Variants in TMCO4 observed in about 807,000 individuals in gnomAD.
TMCO4 encodes transmembrane and coiled-coil domains 4.
A neutral mutation model predicts 64.7 loss-of-function variants in TMCO4; 58 were observed. The observed-to-expected ratio is 0.90, with a 90% CI of 0.73 to 1.12. The LOEUF (loss-of-function observed/expected upper bound fraction) is 1.12. Among genes scored for constraint, TMCO4 ranks in the 50% most tolerant of loss-of-function variants. The probability of loss-of-function intolerance (pLI) is 0.00; values close to 1 mark genes in which losing one functional copy is unlikely to be tolerated. For synonymous variants in TMCO4, 325 were observed against 346.1 expected (o/e 0.94, Z 0.68); for missense variants, 780 against 825.9 (o/e 0.94, Z 0.68).
chr1:19,734,442 C>T lies in TMCO4; in HGVS notation c.1264+2930G>A, dbSNP rs540027954. Among the ~76,000 whole-genome samples the T allele has an allele frequency of 6.6e-6, 1 of 152,190 alleles. No individual in the cohort carries two copies. Among genetic ancestry groups the T allele is most frequent in the African/African-American group, 2.4e-5 (1 of 41,512 alleles). On this transcript the variant is annotated intron_variant, in intron 13 of 15. Coordinates refer to ENST00000294543, the MANE Select transcript of TMCO4 (RefSeq NM_181719.7). The surrounding 1 kb of genome is among the most constrained non-coding windows in gnomAD (Gnocchi z 4.4). ...AACTGTAGGGTGCCCAGCACCAGTG[C>T]CCCCGGGTCCTCCTTGGCAGGATCC...
intron 5 of TMCO4, 58 bp from the exon 6 acceptor site, chr1:19,770,627 A>T: frequency 6.4e-7 from 1 of 1,557,252 alleles, no homozygotes; most frequent in Non-Finnish European, 8.7e-7. Context: ...CAGCGCGCTC[A>T]TTTGACAAAT....
In TMCO4 at chr1:19,737,371, C is replaced by T. The variant is rs936848498; in HGVS notation, c.1264+1G>A. 37 of 1,612,454 alleles carry T rather than the reference C, an allele frequency of 2.3e-5. No individual in the cohort carries two copies. The highest frequency in any genetic ancestry group is 3.1e-5 in the Non-Finnish European group (36 of 1,179,034). Reference sequence around the variant, plus strand: ...CGTCTGTGACAATAATCCATGCTCACCTTTCTCTTGAGCCATCTCCTGCAG... The same window carrying T: ...CGTCTGTGACAATAATCCATGCTCATCTTTCTCTTGAGCCATCTCCTGCAG... On this transcript the variant is annotated splice_donor_variant, in intron 13 of 15. Coordinates refer to ENST00000294543, the MANE Select transcript of TMCO4 (RefSeq NM_181719.7). LOFTEE classifies it high-confidence loss of function.
In TMCO4 at chr1:19,747,149, C is replaced by T; in HGVS notation, c.613+14G>A. 1 of 1,613,402 alleles carries T rather than the reference C, an allele frequency of 6.2e-7. No individual in the cohort carries two copies. The highest frequency in any genetic ancestry group is 8.5e-7 in the Non-Finnish European group (1 of 1,179,460). ...AAAACCCAGACGTGTGCCACCATCT[C>T]TAGCTGGACTCACCGATCACCGTTC... is the stretch of plus-strand genomic sequence containing the variant. On this transcript the variant is annotated intron_variant, in intron 8 of 15. Coordinates refer to ENST00000294543, the MANE Select transcript of TMCO4 (RefSeq NM_181719.7).
rs1446628987 is a variant in TMCO4 at position 19,743,627 on chromosome 1, G to A, written c.877+1905C>T. 6.6e-6 allele frequency among the ~76,000 whole-genome samples: 1 copy of A among 152,158 alleles called. No individual in the cohort carries two copies. On this transcript the variant is annotated intron_variant, in intron 10 of 15. Transcript: ENST00000294543. This position sits in a 1 kb window ranked among gnomAD's most constrained non-coding sequence, Gnocchi z 4.1. ...CCCGGGGCAAACTGAACAAATAGGG[G>A]CAAACTGAACAAGTGGGGGCAAAAT...
rs543880096 is a variant in TMCO4, at chr1:19,682,825, T to C, written c.*215A>G. 2.4e-5 allele frequency: 18 copies of C among 742,514 alleles called. 1 individual carries two copies. In the South Asian group the frequency reaches 2.8e-4, roughly 11 times the overall value. 46.0% of individuals were successfully genotyped at this position (742,514 alleles called of 1,614,324 possible). A position where few individuals can be genotyped will look rare whatever the true frequency, so the allele number is the denominator to read the frequency against. On this transcript the variant is annotated 3_prime_UTR_variant, in exon 16 of 16. Transcript: ENST00000294543. ...GGGGGCAGCTGCTCCCTGGTGGGGC[T>C]CCTCTGGGGACAGGCAGCTTCCCAA... is the stretch of plus-strand genomic sequence containing the variant.
intron 7 of TMCO4, among the ~76,000 whole-genome samples, chr1:19,748,226 G>A (rs2041874506): frequency 1.3e-5 from 2 of 152,206 alleles, no homozygotes; most frequent in African/African-American, 4.8e-5. Flanking sequence ...CACTGCAAGT[G>A]CTCAGCGCAA....
At chr1:19,747,399 A>G (rs534966989) in intron 7 of TMCO4, 139 bp from the exon 8 acceptor site, 1 of 748,830 alleles carries the variant, frequency 1.3e-6, no homozygotes, top group African/African-American at 1.7e-5. Flanking sequence ...AGTCACCTTG[A>G]GCCCACTGAT....
chr1:19,718,882 T>C (rs1182950944), intron 13 of TMCO4, among the ~76,000 whole-genome samples: 1 of 152,146 alleles, frequency 6.6e-6, no homozygotes, highest in African/African-American at 2.4e-5. Flanking sequence ...CTAAAAATCA[T>C]GCTTCCCATT....
intron 4 of TMCO4, 64 bp from the exon 5 acceptor site, chr1:19,771,546 A>T: frequency 6.5e-7 from 1 of 1,533,668 alleles, no homozygotes; most frequent in African/African-American, 1.4e-5. Flanking sequence ...TGGGCAGTGT[A>T]GATTAGTTGT....
intron 11 of TMCO4, 125 bp from the exon 12 acceptor site, chr1:19,740,085 A>G (rs1426577823): frequency 6.4e-5 from 72 of 1,121,474 alleles, no homozygotes; most frequent in Non-Finnish European, 7.8e-5. Flanking sequence ...AAGTTTGCCA[A>G]TCAAACTGCT....
rs775514313 is a variant in TMCO4, at chr1:19,683,124, G to A, written c.1821C>T (p.Ile607=). ...PAAASPERPP[I]CSHGMDPNPL... is the part of the protein sequence containing the mutation. ...GGTTGGGGTCCATGCCATGGCTGCAGATGGGGGGCCTTTCAGGGCTGGCAG... is the reference window on the plus strand; with the variant it reads ...GGTTGGGGTCCATGCCATGGCTGCAAATGGGGGGCCTTTCAGGGCTGGCAG... The change falls in exon 16 of 16, where the codon ATC becomes ATT. Residue 607 remains isoleucine, a synonymous_variant. Transcript: ENST00000294543. 6.2e-7 allele frequency: 1 copy of A among 1,613,628 alleles called. No individual in the cohort carries two copies. Among genetic ancestry groups the A allele is most frequent in the Admixed American group, 1.7e-5 (1 of 59,960 alleles).
intron 6 of TMCO4, among the ~76,000 whole-genome samples, chr1:19,770,081 T>C (rs927300886): frequency 1.4e-4 from 21 of 152,184 alleles, no homozygotes; most frequent in African/African-American, 5.1e-4. Context: ...TTTTTTCTCC[T>C]GAGTGCAGAG....
chr1:19,731,005 G>A (rs2095427760), intron 13 of TMCO4, among the ~76,000 whole-genome samples: 1 of 152,200 alleles, frequency 6.6e-6, no homozygotes, highest in Admixed American at 6.5e-5. Flanking sequence ...TAAACAGCAG[G>A]GCTGCCTGAA....
At chr1:19,694,269 C>T (rs1177439858) in intron 15 of TMCO4, among the ~76,000 whole-genome samples, 165 bp downstream of exon 15, 4 of 152,096 alleles carry the variant, frequency 2.6e-5, no homozygotes, top group East Asian at 1.9e-4. Context: ...CCCGAAGTGC[C>T]GGGATTACAG....
chr1:19,799,177 T>C (rs1392900922), intron 1 of TMCO4: 5 of 152,574 alleles, frequency 3.3e-5, no homozygotes, highest in Non-Finnish European at 5.9e-5. Flanking sequence ...ACCTCACCTC[T>C]CTGAGCCTCA....
chr1:19,753,941 A>T (rs2042133218), intron 7 of TMCO4, among the ~76,000 whole-genome samples: 2 of 152,234 alleles, frequency 1.3e-5, no homozygotes, highest in Admixed American at 1.3e-4. Flanking sequence ...TATTGTTAAC[A>T]ACAGCAAATA....
At chr1:19,793,062 G>A (rs532881033) in intron 2 of TMCO4, among the ~76,000 whole-genome samples, 134 of 152,150 alleles carry the variant, frequency 8.8e-4, no homozygotes, top group Non-Finnish European at 1.7e-3. Flanking sequence ...GAGCCACCAC[G>A]CCTGGCCTCA....
At chr1:19,737,349 C>T (rs2100827109) in intron 13 of TMCO4, 23 bp downstream of exon 13, 2 of 1,605,070 alleles carry the variant, frequency 1.2e-6, no homozygotes, top group South Asian at 2.2e-5. Context: ...GGGTTTCCGT[C>T]TGTGACAATA....
intron 6 of TMCO4, 72 bp from the exon 7 acceptor site, chr1:19,755,838 T>C: frequency 6.3e-7 from 1 of 1,582,184 alleles, no homozygotes; most frequent in Non-Finnish European, 8.6e-7. Flanking sequence ...GCAGTGTAAC[T>C]GATAAAACCC....
Sources: gnomAD v4.1 joint callset for allele counts (sites outside exome capture counted in the v4.1 genomes callset) on GRCh38, gnomAD v4.1.1 for gene constraint, Gnocchi (gnomAD v3.1) non-coding constraint, MANE v1.5 for transcripts, NCBI Gene and HGNC (gene_info 2026-07-23, HGNC 2026-07-21) for gene names.